LPP: variants seen among roughly 807,000 people sequenced by gnomAD.
LPP encodes LIM domain containing preferred translocation partner in lipoma, also known as lipoma-preferred partner.
LPP carries 38 observed loss-of-function variants against 60.4 expected under a neutral mutation model. The ratio of observed to expected loss-of-function variants is 0.63; its 90% CI spans 0.49 to 0.83. The LOEUF (loss-of-function observed/expected upper bound fraction) is 0.83. LPP is among the 40% of genes least tolerant of loss of function. LPP has a pLI of 0.00. For missense variants in LPP, 902 were observed against 783.6 expected, an observed-to-expected ratio of 1.15 and a Z score of -1.80; for synonymous variants, 328 against 290.8, an observed-to-expected ratio of 1.13 and a Z score of -1.30.
chr3:188,178,348 G>A (rs540298579), intron 1 of LPP, among the ~76,000 whole-genome samples: 1 of 152,308 alleles, frequency 6.6e-6, no homozygotes, highest in East Asian at 1.9e-4. Context: ...GACCCAGGTA[G>A]GGTGATTGTC....
chr3:188,156,846 G>A (rs1242797076), intron 1 of LPP, among the ~76,000 whole-genome samples: 1 of 146,302 alleles, frequency 6.8e-6, no homozygotes, highest in South Asian at 2.1e-4. Flanking sequence ...CCTCTGCTGC[G>A]CCCCACCCCC....
At chr3:188,489,523 G>T (rs1045308832) in intron 5 of LPP, among the ~76,000 whole-genome samples, 1 of 152,188 alleles carries the variant, frequency 6.6e-6, no homozygotes, top group East Asian at 1.9e-4. Flanking sequence ...GGTAGGCCTT[G>T]TGTTTCTAAC....
At chr3:188,653,113 G>A (rs1852424189) in intron 7 of LPP, among the ~76,000 whole-genome samples, 1 of 152,124 alleles carries the variant, frequency 6.6e-6, no homozygotes, top group African/African-American at 2.4e-5. Context: ...TGTTCTTTTA[G>A]CAAAAAATTA....
chr3:188,533,484 C>T (rs1318417144), intron 6 of LPP, among the ~76,000 whole-genome samples: 2 of 152,120 alleles, frequency 1.3e-5, no homozygotes, highest in African/African-American at 4.8e-5. Context: ...CATCTTCCTC[C>T]TCCTATATTC....
At chr3:188,367,920 A>T (rs1771697624) in intron 3 of LPP, among the ~76,000 whole-genome samples, 1 of 152,236 alleles carries the variant, frequency 6.6e-6, no homozygotes, top group Non-Finnish European at 1.5e-5. Context: ...TTTGGATAGC[A>T]TGACTTTATT....
At chr3:188,829,526 A>T (rs1419654024) in intron 9 of LPP, among the ~76,000 whole-genome samples, 1 of 152,200 alleles carries the variant, frequency 6.6e-6, no homozygotes, top group African/African-American at 2.4e-5. Context: ...ACCCAATGTC[A>T]TACATCTTTT....
At chr3:188,340,270 G>GT (rs986585443) in intron 2 of LPP, among the ~76,000 whole-genome samples, 2 of 152,080 alleles carry the variant, frequency 1.3e-5, no homozygotes, top group Non-Finnish European at 2.9e-5. Flanking sequence ...AAAGGGAATG[G>GT]TTTGAGACAT....
intron 2 of LPP, among the ~76,000 whole-genome samples, chr3:188,267,395 G>A (rs1440020039): frequency 1.3e-5 from 2 of 152,192 alleles, no homozygotes; most frequent in South Asian, 2.1e-4. Flanking sequence ...TTCTTTGGAT[G>A]TCGGTGTTTT....
intron 1 of LPP, among the ~76,000 whole-genome samples, chr3:188,156,028 A>C (rs898725050): frequency 6.6e-6 from 1 of 152,080 alleles, no homozygotes; most frequent in Non-Finnish European, 1.5e-5. Flanking sequence ...AAAAACAAAA[A>C]ACAACAACAA....
chr3:188,803,984 T>G (rs1231395512), intron 9 of LPP, among the ~76,000 whole-genome samples: 2 of 151,814 alleles, frequency 1.3e-5, no homozygotes, highest in Non-Finnish European at 2.9e-5. Flanking sequence ...TAATTATTGT[T>G]TTATATTTTT....
chr3:188,575,655 T>C (rs1433710938), intron 6 of LPP, among the ~76,000 whole-genome samples: 1 of 152,180 alleles, frequency 6.6e-6, no homozygotes, highest in Non-Finnish European at 1.5e-5. Flanking sequence ...TTTGTGCTAC[T>C]AGGTAGATTT....
chr3:188,408,294 G>T (rs929477390), intron 4 of LPP, among the ~76,000 whole-genome samples: 12 of 152,146 alleles, frequency 7.9e-5, no homozygotes, highest in African/African-American at 2.9e-4. Flanking sequence ...GGTGAGGGCA[G>T]GTCCTATATT....
chr3:188,533,867 G>A (rs1193472141), intron 6 of LPP, among the ~76,000 whole-genome samples: 1 of 152,102 alleles, frequency 6.6e-6, no homozygotes, highest in African/African-American at 2.4e-5. Flanking sequence ...TTTTTAGATG[G>A]TATATAATTG....
rs1027488784 is a variant in LPP at position 188,666,215 on chromosome 3, A to T, written c.1114-42052A>T. 8.5e-5 allele frequency among the ~76,000 whole-genome samples: 13 copies of T among 152,360 alleles called. No homozygotes were observed. In the East Asian group the frequency reaches 9.6e-4, roughly 11 times the overall value. ...TTCTCTAGTATTTTACAAATTAACAAGCAAAATTGTGTGATTCTATTTGTA... is the reference window on the plus strand; with the variant it reads ...TTCTCTAGTATTTTACAAATTAACATGCAAAATTGTGTGATTCTATTTGTA... On this transcript the variant is annotated intron_variant, in intron 7 of 11. Coordinates refer to ENST00000617246, the MANE Select transcript of LPP (RefSeq NM_001375462.1).
At chr3:188,545,089 C>G (rs1250340581) in intron 6 of LPP, among the ~76,000 whole-genome samples, 1 of 94,878 alleles carries the variant, frequency 1.1e-5, no homozygotes, top group Non-Finnish European at 2.1e-5. Flanking sequence ...GAATATCACA[C>G]TCTGGGGACT....
chr3:188,728,785 A>T (rs1162730908), intron 8 of LPP, among the ~76,000 whole-genome samples: 1 of 151,898 alleles, frequency 6.6e-6, no homozygotes, highest in Non-Finnish European at 1.5e-5. Context: ...TTATAAGGTT[A>T]TTTGGTTTAA....
chr3:188,757,395 G>T (rs1307985150), intron 8 of LPP, among the ~76,000 whole-genome samples: 2 of 152,156 alleles, frequency 1.3e-5, no homozygotes, highest in Non-Finnish European at 1.5e-5. Context: ...ATTGAAGTTT[G>T]CTCCCAGATC....
rs1770642127 is a variant in LPP, at chr3:188,886,190, T to C, written c.*11711T>C. ...GAGGGAGGGATAGCATTAGGAGATA[T>C]ACCTAATGCTAAATGACGAGTTAAT... On this transcript the variant is annotated 3_prime_UTR_variant, in exon 12 of 12. Coordinates refer to ENST00000617246, the MANE Select transcript of LPP (RefSeq NM_001375462.1). The C allele has an allele frequency of 6.6e-6, 1 of 151,890 alleles. No homozygotes were observed. The highest frequency in any genetic ancestry group is 1.9e-4 in the East Asian group (1 of 5,224). The allele number at this position is 151,890 out of a possible 1,614,324, so 9.4% of individuals were successfully genotyped here. A position where few individuals can be genotyped will look rare whatever the true frequency, so the allele number is the denominator to read the frequency against.
In LPP at chr3:188,346,246, CA is replaced by C. The variant is rs575427979; in HGVS notation, c.-10+4530del. On this transcript the variant is annotated intron_variant, in intron 3 of 11. Transcript: ENST00000617246. ...CTGTCCAGGGACCTGCCTAAAGTAG[CA>C]AATCTTTTTTTTTTTTTTTTTTTTT... is the stretch of plus-strand genomic sequence containing the variant. Among the ~76,000 whole-genome samples the C allele has an allele frequency of 4.1e-3, 555 of 136,624 alleles. 6 individuals carry two copies. The highest frequency in any genetic ancestry group is 0.016 in the African/African-American group (540 of 32,864). 89.6% of individuals were successfully genotyped at this position (136,624 alleles called of 152,430 possible). A position where few individuals can be genotyped will look rare whatever the true frequency, so the allele number is the denominator to read the frequency against.
Sources: gnomAD v4.1 joint callset for allele counts (sites outside exome capture counted in the v4.1 genomes callset) on GRCh38, gnomAD v4.1.1 for gene constraint, MANE v1.5 for transcripts, NCBI Gene and HGNC (gene_info 2026-07-23, HGNC 2026-07-21) for gene names.